The following CLVS1 variants were observed in gnomAD, a reference collection of about 807,000 sequenced individuals.
CLVS1 encodes the protein clavesin-1.
CLVS1 carries 10 observed loss-of-function variants against 33.1 expected under a neutral mutation model. That is an observed-to-expected ratio of 0.30 (90% CI 0.19 to 0.51). The LOEUF (loss-of-function observed/expected upper bound fraction) is 0.51, where lower values mean the gene tolerates loss of function less well. CLVS1 is among the 20% of genes least tolerant of loss of function. The pLI, the probability that CLVS1 is intolerant of heterozygous loss-of-function variation, is 0.97. For synonymous variants in CLVS1, 163 were observed against 166.1 expected, an observed-to-expected ratio of 0.98 and a Z score of 0.14; for missense variants, 343 against 433.4, an observed-to-expected ratio of 0.79 and a Z score of 1.85.
the CLVS1 span, among the ~76,000 whole-genome samples, chr8:61,014,443 T>C: frequency 2.0e-5 from 3 of 152,206 alleles, no homozygotes; most frequent in Non-Finnish European, 2.9e-5. Flanking sequence ...GGGAGGGTGA[T>C]ATTTTGCTCT....
At chr8:61,221,803 C>A (rs1248160735) in intron 2 of CLVS1, among the ~76,000 whole-genome samples, 1 of 152,162 alleles carries the variant, frequency 6.6e-6, no homozygotes, top group Non-Finnish European at 1.5e-5. Flanking sequence ...AGCTGTGAAT[C>A]CATCTAATCC....
chr8:61,434,014 G>T (rs1280387243), intron 3 of CLVS1, among the ~76,000 whole-genome samples: 1 of 152,118 alleles, frequency 6.6e-6, no homozygotes, highest in Non-Finnish European at 1.5e-5. Flanking sequence ...AAAGCAGTCA[G>T]AATTGGGTGA....
chr8:61,222,069 T>C (rs1656585557), intron 2 of CLVS1, among the ~76,000 whole-genome samples: 2 of 152,216 alleles, frequency 1.3e-5, no homozygotes, highest in Admixed American at 6.5e-5. Flanking sequence ...GATTTTTCTC[T>C]CTTTTCTTCT....
At chr8:61,074,131 A>G (rs1326162486) in intron 1 of CLVS1, among the ~76,000 whole-genome samples, 1 of 151,270 alleles carries the variant, frequency 6.6e-6, no homozygotes, top group East Asian at 1.9e-4. Flanking sequence ...TGAGCCTAGG[A>G]GTTTGAGACC....
intron 2 of CLVS1, among the ~76,000 whole-genome samples, chr8:61,186,660 AGAAGGGAGGGAGAGAG>A (rs1431784345): frequency 1.3e-5 from 2 of 152,054 alleles, no homozygotes; most frequent in African/African-American, 2.4e-5. Context: ...AGAAGACAAA[AGAAGGGAGGGAGAGAG>A]GAAGGGAGGG....
chr8:61,389,305 C>T (rs910015909), intron 3 of CLVS1, among the ~76,000 whole-genome samples: 6 of 152,036 alleles, frequency 3.9e-5, no homozygotes, highest in South Asian at 2.1e-4. Flanking sequence ...TTTGGGAGGC[C>T]GAGGCGGGTG....
At chr8:61,424,360 ATTCC>A (rs1031066335) in intron 3 of CLVS1, among the ~76,000 whole-genome samples, 18 of 152,232 alleles carry the variant, frequency 1.2e-4, no homozygotes, top group African/African-American at 4.1e-4. Flanking sequence ...TGAAAGACTA[ATTCC>A]TAATTTGTTT....
chr8:61,494,427 C>A (rs7816683), intron 5 of CLVS1, among the ~76,000 whole-genome samples: 1 of 151,990 alleles, frequency 6.6e-6, no homozygotes, highest in African/African-American at 2.4e-5. Flanking sequence ...AAATCACTCC[C>A]CTGCCTGACC....
At chr8:61,072,687 C>T (rs1269892052) in intron 1 of CLVS1, among the ~76,000 whole-genome samples, 1 of 152,146 alleles carries the variant, frequency 6.6e-6, no homozygotes, top group East Asian at 1.9e-4. Context: ...CTTATAACAC[C>T]AATGGGGGTT....
chr8:61,145,375 T>G (rs1375349046), intron 2 of CLVS1, among the ~76,000 whole-genome samples: 1 of 152,184 alleles, frequency 6.6e-6, no homozygotes. Flanking sequence ...ACACATACAC[T>G]GAAATAAAAA....
intron 1 of CLVS1, among the ~76,000 whole-genome samples, chr8:61,115,927 C>T (rs1369279600): frequency 6.8e-6 from 1 of 146,006 alleles, no homozygotes; most frequent in Admixed American, 6.8e-5. Flanking sequence ...ATTTCCAGTT[C>T]TAGATCCCTG....
the CLVS1 span, among the ~76,000 whole-genome samples, chr8:61,023,200 T>C: frequency 6.6e-6 from 1 of 152,250 alleles, no homozygotes; most frequent in Non-Finnish European, 1.5e-5. Flanking sequence ...TTGCTGTGCT[T>C]ATATTAACAA....
intron 2 of CLVS1, among the ~76,000 whole-genome samples, chr8:61,359,250 C>T (rs1365295170): frequency 1.3e-5 from 2 of 152,108 alleles, no homozygotes; most frequent in East Asian, 3.9e-4. Context: ...AGTTTTCAGA[C>T]CTTTTTAAGT....
chr8:61,391,482 G>A (rs947583334), intron 3 of CLVS1, among the ~76,000 whole-genome samples: 1 of 152,216 alleles, frequency 6.6e-6, no homozygotes, highest in African/African-American at 2.4e-5. Flanking sequence ...GGACTGAAGA[G>A]TTTGGAAAAT....
chr8:61,034,796 AC>A, the CLVS1 span, among the ~76,000 whole-genome samples: 2 of 152,208 alleles, frequency 1.3e-5, no homozygotes, highest in Non-Finnish European at 2.9e-5. Flanking sequence ...TACAGTGTTT[AC>A]AAGAAGGAAG....
At chr8:61,285,795 T>G (rs1048022062), upstream of CLVS1, among the ~76,000 whole-genome samples, 9 of 152,000 alleles carry the variant, frequency 5.9e-5, no homozygotes, top group Non-Finnish European at 1.3e-4. Flanking sequence ...ATACCTATAT[T>G]TATGAAGGAG....
chr8:61,265,757 G>A (rs527939430), intron 2 of CLVS1, among the ~76,000 whole-genome samples: 1 of 152,282 alleles, frequency 6.6e-6, no homozygotes, highest in South Asian at 2.1e-4. Context: ...GCCAGCATCT[G>A]GGCCCCTCAC....
intron 2 of CLVS1, among the ~76,000 whole-genome samples, chr8:61,257,303 G>T (rs1809103390): frequency 6.6e-6 from 1 of 152,094 alleles, no homozygotes; most frequent in Non-Finnish European, 1.5e-5. Flanking sequence ...ATGACGTTCA[G>T]GCCTTGACTT....
the CLVS1 span, among the ~76,000 whole-genome samples, chr8:61,016,374 C>T: frequency 0.02 from 3,069 of 152,306 alleles, 85 homozygotes; most frequent in African/African-American, 0.061. Flanking sequence ...ATAACACAAA[C>T]GGGCTTAATC....
Sources: gnomAD v4.1 joint callset for allele counts (sites outside exome capture counted in the v4.1 genomes callset) on GRCh38, gnomAD v4.1.1 for gene constraint, MANE v1.5 for transcripts, NCBI Gene and HGNC (gene_info 2026-07-23, HGNC 2026-07-21) for gene names.